ZNF492: variants seen among roughly 807,000 people sequenced by gnomAD.
The protein encoded by ZNF492 is zinc finger protein 492.
ZNF492 carries 3 observed loss-of-function variants against 6.4 expected under a neutral mutation model. The observed-to-expected ratio is 0.47, with a 90% confidence interval of 0.21 to 1.22. The LOEUF (loss-of-function observed/expected upper bound fraction) is 1.22, where lower values mean the gene tolerates loss of function less well. ZNF492 is among the 50% of genes most tolerant of loss of function. The probability of loss-of-function intolerance (pLI) is 0.22; values close to 1 mark genes in which losing one functional copy is unlikely to be tolerated. For missense variants in ZNF492, 356 were observed against 612.5 expected (o/e 0.58, Z 4.42); for synonymous variants, 112 against 205.3 (o/e 0.55, Z 3.89).
chr19:22,653,563 A>G (rs1971964067), intron 2 of ZNF492, 130 bp downstream of exon 2: 16 of 1,294,288 alleles, frequency 1.2e-5, no homozygotes, highest in South Asian at 1.1e-4. Flanking sequence ...AGATTTGTCT[A>G]TGTAGAAAAG....
intron 1 of ZNF492, among the ~76,000 whole-genome samples, chr19:22,646,343 C>A (rs1268333447): frequency 6.6e-6 from 1 of 152,096 alleles, no homozygotes; most frequent in Non-Finnish European, 1.5e-5. Context: ...ATAGGAATGC[C>A]TGTGATTTTT....
intron 1 of ZNF492, among the ~76,000 whole-genome samples, chr19:22,653,074 C>T (rs1264797251): frequency 6.7e-6 from 1 of 149,534 alleles, no homozygotes; most frequent in African/African-American, 2.5e-5. Context: ...CTTCATCATC[C>T]GAAGAAGTAT....
At chr19:22,663,480 T>A (rs917422759) in intron 3 of ZNF492, among the ~76,000 whole-genome samples, 1 of 152,206 alleles carries the variant, frequency 6.6e-6, no homozygotes, top group African/African-American at 2.4e-5. Context: ...AACCAGGAGT[T>A]GGCAATTTAT....
rs1410709024 is a variant in ZNF492, at chr19:22,666,641, TC to T, written c.*1377del. On this transcript the variant is annotated 3_prime_UTR_variant, in exon 4 of 4. Coordinates refer to ENST00000456783, the MANE Select transcript of ZNF492 (RefSeq NM_020855.3). ...ATGATGAAAATCTAAGTAAAGAGGTTCTTTGTGATTCACTTACAGTACTGAG... is the reference window on the plus strand; with the variant it reads ...ATGATGAAAATCTAAGTAAAGAGGTTTTTGTGATTCACTTACAGTACTGAG... The T allele has an allele frequency of 6.6e-6, 1 of 152,194 alleles. No homozygotes were observed. Among genetic ancestry groups the T allele is most frequent in the African/African-American group, 2.4e-5 (1 of 41,446 alleles). The allele number at this position is 152,194 out of a possible 1,614,324, so 9.4% of individuals were successfully genotyped here.
chr19:22,639,656 A>G (rs1185963834), intron 1 of ZNF492, among the ~76,000 whole-genome samples: 1 of 145,670 alleles, frequency 6.9e-6, no homozygotes, highest in Non-Finnish European at 1.5e-5. Flanking sequence ...GGTTGCAGTG[A>G]GCCAAGATCG....
intron 1 of ZNF492, among the ~76,000 whole-genome samples, chr19:22,642,374 A>C (rs2145244962): frequency 6.8e-6 from 1 of 147,796 alleles, no homozygotes; most frequent in African/African-American, 2.5e-5. Flanking sequence ...CAGCTAAATA[A>C]ACCTTTTGTC....
At chr19:22,663,643 T>G (rs958904075) in intron 3 of ZNF492, among the ~76,000 whole-genome samples, 157 bp from the exon 4 acceptor site, 10 of 152,198 alleles carry the variant, frequency 6.6e-5, no homozygotes, top group Non-Finnish European at 1.0e-4. Flanking sequence ...ATGTAATTTG[T>G]TCTGTATGCT....
chr19:22,664,048 A>G lies in ZNF492; in HGVS notation c.379A>G (p.Asn127Asp). Residue 127 changes from asparagine (N) to aspartate (D), a missense_variant, in exon 4 of 4, where the codon AAT (asparagine) becomes GAT (aspartate). Physicochemically the swap from Asn to Asp is conservative, Grantham distance 23. Around this residue, in one of 7 missense-constraint regions of ZNF492, gnomAD observed 196 missense variants for 219.4 expected, o/e 0.89. Coordinates refer to ENST00000456783, the MANE Select transcript of ZNF492 (RefSeq NM_020855.3). ...KYVKVFHKFS[N>D]SNRHTIRHTG... ...TGTGAAAGTCTTTCATAAATTTTCA[A>G]ATTCAAACAGACATACGATAAGACA... 6 of 1,604,444 alleles carry G rather than the reference A, an allele frequency of 3.7e-6. No homozygotes were observed. Among genetic ancestry groups the G allele is most frequent in the Non-Finnish European group, 5.1e-6 (6 of 1,175,208 alleles).
chr19:22,650,537 T>C (rs1971929167), intron 1 of ZNF492, among the ~76,000 whole-genome samples: 1 of 152,022 alleles, frequency 6.6e-6, no homozygotes, highest in Non-Finnish European at 1.5e-5. Flanking sequence ...AGTCCACTGG[T>C]CCACAGAAAC....
At position 22,664,534 on chromosome 19, in the gene ZNF492, G is replaced by A. The variant is rs1972097685; in HGVS notation, c.865G>A (p.Ala289Thr). 6.3e-7 allele frequency: 1 copy of A among 1,586,656 alleles called. No homozygotes were observed. The highest frequency in any genetic ancestry group is 1.8e-5 in the Admixed American group (1 of 56,026). Residue 289 changes from alanine to threonine, a missense_variant, in exon 4 of 4, where the codon GCT becomes ACT. This residue lies in a region of ZNF492 where 29 missense variants were observed against 56.8 expected (regional missense o/e 0.51). Transcript: ENST00000456783. ...KPYKCEECGK[A>T]FSQSSTLTTH... ...TTACAAATGTGAAGAATGTGGCAAA[G>A]CTTTTAGCCAGTCCTCAACCCTTAC... is the stretch of plus-strand genomic sequence containing the variant.
intron 1 of ZNF492, among the ~76,000 whole-genome samples, chr19:22,642,264 A>G (rs1308351896): frequency 6.6e-6 from 1 of 152,128 alleles, no homozygotes; most frequent in Non-Finnish European, 1.5e-5. Flanking sequence ...ATACGTGAAA[A>G]TAAGGGAGGA....
At position 22,666,157 on chromosome 19, in the gene ZNF492, G is replaced by A. The variant is rs760979537; in HGVS notation, c.*892G>A. 2.7e-5 allele frequency: 4 copies of A among 149,772 alleles called. No individual in the cohort carries two copies. The highest frequency in any genetic ancestry group is 5.9e-5 in the Non-Finnish European group (4 of 67,570). The allele number at this position is 149,772 out of a possible 1,614,324, so 9.3% of individuals were successfully genotyped here. ...GTAATTAACTCTCAAATTACTTCAT[G>A]CTAAGGAAATTAGTTTTTCTTTTTC... On this transcript the variant is annotated 3_prime_UTR_variant, in exon 4 of 4. Coordinates refer to ENST00000456783, the MANE Select transcript of ZNF492 (RefSeq NM_020855.3).
At position 22,665,421 on chromosome 19, in the gene ZNF492, T is replaced by A; in HGVS notation, c.*156T>A. ...TATTGCACAGGAAAGCCTTTATACT[T>A]GAGAACAAATGTACAAATATAAAGA... On this transcript the variant is annotated 3_prime_UTR_variant, in exon 4 of 4. Transcript: ENST00000456783. 7.2e-7 allele frequency: 1 copy of A among 1,381,844 alleles called. No individual in the cohort carries two copies. The highest frequency in any genetic ancestry group is 9.6e-7 in the Non-Finnish European group (1 of 1,040,532). The allele number at this position is 1,381,844 out of a possible 1,614,324, so 85.6% of individuals were successfully genotyped here.
chr19:22,651,553 T>G (rs1019983395), intron 1 of ZNF492, among the ~76,000 whole-genome samples: 18 of 152,038 alleles, frequency 1.2e-4, no homozygotes, highest in Non-Finnish European at 2.2e-4. Flanking sequence ...AAATATTTCT[T>G]TCCTACATAC....
intron 1 of ZNF492, among the ~76,000 whole-genome samples, chr19:22,642,072 C>T (rs1476566936): frequency 6.6e-6 from 1 of 152,090 alleles, no homozygotes; most frequent in Non-Finnish European, 1.5e-5. Flanking sequence ...GGATTACAGG[C>T]GTGAGCCAGC....
chr19:22,647,729 T>TTTTTTTTTTTTG (rs1971897605), intron 1 of ZNF492, among the ~76,000 whole-genome samples: 1 of 130,154 alleles, frequency 7.7e-6, no homozygotes, highest in Non-Finnish European at 1.6e-5. Context: ...CTCTTTTAGT[T>TTTTTTTTTTTTG]TTTTTTTTTT....
intron 3 of ZNF492, among the ~76,000 whole-genome samples, chr19:22,660,245 G>A (rs569975251): frequency 6.6e-6 from 1 of 152,080 alleles, no homozygotes; most frequent in Non-Finnish European, 1.5e-5. Flanking sequence ...CGATTTGAAA[G>A]TTAATTTTAT....
In ZNF492 at chr19:22,664,682, A is replaced by G. The variant is rs763535998; in HGVS notation, c.1013A>G (p.Lys338Arg). 1.9e-6 allele frequency: 3 copies of G among 1,606,206 alleles called. No homozygotes were observed. Among genetic ancestry groups the G allele is most frequent in the African/African-American group, 1.3e-5 (1 of 74,582 alleles). The change falls in exon 4 of 4, where the codon AAG becomes AGG. Residue 338 changes from lysine (K) to arginine (R), a missense_variant. This residue lies in a region of ZNF492 where 29 missense variants were observed against 56.8 expected (regional missense o/e 0.51). Transcript: ENST00000456783. ...ATTCATTCTGGAGAGAAACCCTACAAGTGTGAAGAATGTGGCAAAGCTTTT... is the reference window on the plus strand; with the variant it reads ...ATTCATTCTGGAGAGAAACCCTACAGGTGTGAAGAATGTGGCAAAGCTTTT... Reference protein sequence around the residue: ...KRIHSGEKPYKCEECGKAFKQ... With the variant: ...KRIHSGEKPYRCEECGKAFKQ...
At position 22,652,033 on chromosome 19, in the gene ZNF492, C is replaced by T. The variant is rs150537350; in HGVS notation, c.-93-1274C>T. On this transcript the variant is annotated intron_variant, in intron 1 of 3. Transcript: ENST00000456783. ...CTGGGCAATATCATAGCAGTGATGC[C>T]GTGTCCTTCTGTGTGCATCAGCACA... 2.6e-3 allele frequency among the ~76,000 whole-genome samples: 403 copies of T among 152,092 alleles called. 1 individual carries two copies. The highest frequency in any genetic ancestry group is 8.1e-3 in the African/African-American group (334 of 41,428).
Sources: gnomAD v4.1 joint callset for allele counts (sites outside exome capture counted in the v4.1 genomes callset) on GRCh38, gnomAD v4.1.1 for gene constraint, gnomAD v4.1.1 regional missense constraint, MANE v1.5 for transcripts, NCBI Gene and HGNC (gene_info 2026-07-23, HGNC 2026-07-21) for gene names.